CADM2: variants seen among roughly 807,000 people sequenced by gnomAD.
The protein encoded by CADM2 is immunoglobulin superfamily member 4D.
In CADM2, 12 loss-of-function variants were observed where a neutral mutation model predicts 49.8. The observed-to-expected ratio is 0.24, with a 90% CI of 0.15 to 0.39. The LOEUF is 0.39. Ranked by LOEUF, CADM2 falls within the 10% of genes least tolerant of loss-of-function variation. The pLI, the probability that CADM2 is intolerant of heterozygous loss-of-function variation, is 1.00. For synonymous variants in CADM2, 214 were observed against 175.4 expected, an observed-to-expected ratio of 1.22 and a Z score of -1.74; for missense variants, 378 against 492.3, an observed-to-expected ratio of 0.77 and a Z score of 2.20.
chr3:85,671,880 A>T (rs1405175483), intron 1 of CADM2, among the ~76,000 whole-genome samples: 2 of 152,106 alleles, frequency 1.3e-5, no homozygotes, highest in East Asian at 1.9e-4. Context: ...AGGCCTTAAC[A>T]CTAATATATA....
At chr3:85,412,594 C>T (rs566781552) in intron 1 of CADM2, among the ~76,000 whole-genome samples, 1 of 151,016 alleles carries the variant, frequency 6.6e-6, no homozygotes, top group Non-Finnish European at 1.5e-5. Flanking sequence ...GTCATGGTTA[C>T]ATCAACTGGA....
At chr3:85,898,574 T>TC (rs1715602004) in intron 5 of CADM2, among the ~76,000 whole-genome samples, 1 of 114,012 alleles carries the variant, frequency 8.8e-6, no homozygotes, top group South Asian at 3.8e-4. Flanking sequence ...CATATCTTTC[T>TC]TTTTTTTTTT....
At chr3:84,988,608 C>A (rs368050932) in intron 1 of CADM2, among the ~76,000 whole-genome samples, 1 of 152,118 alleles carries the variant, frequency 6.6e-6, no homozygotes, top group East Asian at 1.9e-4. Context: ...GGCTTTGAAA[C>A]CCTCATTGGC....
rs188255459 is a variant in CADM2 at position 86,055,579 on chromosome 3, G to C, written c.971-10026G>C. On this transcript the variant is annotated intron_variant, in intron 8 of 9. Transcript: ENST00000383699. ...CCTCCTGGGTTCCAGAGATTCTCTG[G>C]CCTCAGCCTCCTGAGTAGCTGAGAT... Among the ~76,000 whole-genome samples the C allele has an allele frequency of 2.8e-4, 42 of 149,614 alleles. No homozygotes were observed. The East Asian group carries it at 7.1e-3, about 25-fold the overall frequency.
intron 1 of CADM2, among the ~76,000 whole-genome samples, chr3:85,150,918 AAAAT>A (rs1014704771): frequency 6.9e-6 from 1 of 144,326 alleles, no homozygotes; most frequent in African/African-American, 2.7e-5. Flanking sequence ...CAAAAAAATA[AAAAT>A]AAATAATAAT....
intron 2 of CADM2, among the ~76,000 whole-genome samples, chr3:85,787,331 C>T (rs1403884027): frequency 6.6e-6 from 1 of 152,072 alleles, no homozygotes; most frequent in Non-Finnish European, 1.5e-5. Flanking sequence ...ATTGTTACCT[C>T]TGTAAATCAA....
intron 5 of CADM2, among the ~76,000 whole-genome samples, chr3:85,893,231 C>T (rs940237463): frequency 2.0e-5 from 3 of 151,898 alleles, no homozygotes; most frequent in Non-Finnish European, 4.4e-5. Context: ...AAAAGAAAAC[C>T]CCATTTTCTG....
intron 6 of CADM2, among the ~76,000 whole-genome samples, chr3:85,934,787 A>G (rs139871955): frequency 6.6e-6 from 1 of 152,026 alleles, no homozygotes; most frequent in Admixed American, 6.6e-5. Context: ...AATGTATATA[A>G]TAACAGTGCA....
At chr3:85,763,153 A>G (rs1409423657) in intron 2 of CADM2, among the ~76,000 whole-genome samples, 2 of 152,158 alleles carry the variant, frequency 1.3e-5, no homozygotes, top group Non-Finnish European at 2.9e-5. Context: ...CATCATTGCA[A>G]TACTCTGCTG....
intron 1 of CADM2, among the ~76,000 whole-genome samples, chr3:85,552,377 T>C (rs2061831521): frequency 2.2e-5 from 2 of 90,768 alleles, no homozygotes; most frequent in Non-Finnish European, 5.4e-5. Context: ...TTTTTTTTTT[T>C]TTTTTTTTTT....
chr3:85,517,706 T>C (rs949106145), intron 1 of CADM2, among the ~76,000 whole-genome samples: 1 of 152,210 alleles, frequency 6.6e-6, no homozygotes, highest in Non-Finnish European at 1.5e-5. Flanking sequence ...ATTAAAAATA[T>C]ATGAAGACAA....
intron 1 of CADM2, among the ~76,000 whole-genome samples, chr3:85,367,517 A>G (rs1329404969): frequency 6.6e-6 from 1 of 151,742 alleles, no homozygotes; most frequent in Non-Finnish European, 1.5e-5. Context: ...TGTATTTCCC[A>G]TTATATTATT....
chr3:85,657,713 G>GATAT (rs142144662), intron 1 of CADM2, among the ~76,000 whole-genome samples: 1 of 45,384 alleles, frequency 2.2e-5, no homozygotes, highest in African/African-American at 4.6e-5. Flanking sequence ...TATATACACA[G>GATAT]ATATATATAT....
intron 1 of CADM2, among the ~76,000 whole-genome samples, chr3:85,398,174 A>G (rs2107426047): frequency 6.6e-6 from 1 of 151,486 alleles, no homozygotes; most frequent in Admixed American, 6.6e-5. Flanking sequence ...ACCCCATGAC[A>G]GGCTCCAGTG....
intron 2 of CADM2, among the ~76,000 whole-genome samples, chr3:85,780,391 A>G (rs938852971): frequency 6.6e-6 from 1 of 152,220 alleles, no homozygotes; most frequent in Non-Finnish European, 1.5e-5. Flanking sequence ...ATAATTGTCT[A>G]TAGAACAGAG....
intron 1 of CADM2, among the ~76,000 whole-genome samples, chr3:85,252,817 A>T (rs946653614): frequency 6.0e-5 from 9 of 151,204 alleles, no homozygotes; most frequent in Non-Finnish European, 1.0e-4. Flanking sequence ...CTTTCCACTA[A>T]CCGTGGTCAG....
intron 2 of CADM2, among the ~76,000 whole-genome samples, chr3:85,793,779 A>C (rs539090388): frequency 2.0e-5 from 3 of 152,182 alleles, no homozygotes; most frequent in Non-Finnish European, 2.9e-5. Context: ...ACTATAAACT[A>C]TGTTTTGCTT....
intron 1 of CADM2, among the ~76,000 whole-genome samples, chr3:85,566,440 C>A (rs929255553): frequency 6.6e-6 from 1 of 152,042 alleles, no homozygotes; most frequent in Non-Finnish European, 1.5e-5. Context: ...TAACACATTA[C>A]TCAATTTGTC....
intron 1 of CADM2, among the ~76,000 whole-genome samples, chr3:85,528,158 T>A (rs2061213797): frequency 6.6e-6 from 1 of 152,154 alleles, no homozygotes; most frequent in Non-Finnish European, 1.5e-5. Context: ...TTCTTCATAT[T>A]TCTCTCCTCA....
Sources: allele counts gnomAD v4.1 joint callset (sites outside exome capture counted in the v4.1 genomes callset), GRCh38; gene constraint gnomAD v4.1.1; transcripts MANE v1.5; gene names NCBI Gene and HGNC (gene_info 2026-07-23, HGNC 2026-07-21).